CPLX2: variants seen among roughly 807,000 people sequenced by gnomAD.
CPLX2 encodes the protein complexin-2.
Under a neutral mutation model 16.3 loss-of-function variants are expected in CPLX2, and 5 were observed. That is an observed-to-expected ratio of 0.31 (90% CI 0.16 to 0.64). The LOEUF is 0.64. Ranked by LOEUF, CPLX2 falls within the 30% of genes least tolerant of loss-of-function variation. CPLX2 has a pLI of 0.79. For missense variants in CPLX2, 144 were observed against 181.4 expected (o/e 0.79, Z 1.18); for synonymous variants, 89 against 73.2 (o/e 1.22, Z -1.10).
rs56851110 is a variant in CPLX2, at chr5:175,825,404, G to GA, written c.-89+16347dup. Among the ~76,000 whole-genome samples, 867 of 128,780 alleles carry GA rather than the reference G, an allele frequency of 6.7e-3. 3 individuals carry two copies. Among genetic ancestry groups the GA allele is most frequent in the African/African-American group, 0.022 (786 of 35,276 alleles). 84.5% of individuals were successfully genotyped at this position (128,780 alleles called of 152,430 possible). A position where few individuals can be genotyped will look rare whatever the true frequency, so the allele number is the denominator to read the frequency against. ...ACTCTGTCTCAAAAACAAACAAAAA[G>GA]AAAAAAAAAAAGGAAAGAAAATGGG... On this transcript the variant is annotated intron_variant, in intron 2 of 4. Transcript: ENST00000359546.
At chr5:175,871,437 G>GAGAGAGAGAGAGAA (rs1561790348), upstream of CPLX2, 222 of 63,490 alleles carry the variant, frequency 3.5e-3, 13 homozygotes, top group African/African-American at 0.011. Flanking sequence ...GAGAGACAGA[G>GAGAGAGAGAGAGAA]AGAGAGAGAG....
upstream of CPLX2, among the ~76,000 whole-genome samples, chr5:175,869,609 A>G (rs760539390): frequency 1.3e-5 from 2 of 152,214 alleles, no homozygotes; most frequent in Non-Finnish European, 2.9e-5. Context: ...GCACGTTACT[A>G]AGCGGGGGAA....
chr5:175,812,098 T>A (rs1758321732), intron 2 of CPLX2, among the ~76,000 whole-genome samples: 1 of 152,186 alleles, frequency 6.6e-6, no homozygotes, highest in Non-Finnish European at 1.5e-5. Context: ...GGTTTGGGGA[T>A]CTGAGTGAGA....
At position 175,834,852 on chromosome 5, in the gene CPLX2, C is replaced by T. The variant is rs1010435594; in HGVS notation, c.-89+25784C>T. On this transcript the variant is annotated intron_variant, in intron 2 of 4. Transcript: ENST00000359546. ...TCGCACCACTGCACTCCAGCCTGGG[C>T]GACAGAGCGAGATCCTGTCTCAAAA... Among the ~76,000 whole-genome samples the T allele has an allele frequency of 3.3e-5, 5 of 152,176 alleles. 1 individual carries two copies. In the South Asian group the frequency reaches 8.3e-4, roughly 25 times the overall value.
chr5:175,875,863 C>T (rs1326387067), intron 1 of CPLX2, among the ~76,000 whole-genome samples: 1 of 152,056 alleles, frequency 6.6e-6, no homozygotes, highest in Non-Finnish European at 1.5e-5. Flanking sequence ...TGAAGAAGAG[C>T]TACTTAGAGC....
intron 2 of CPLX2, among the ~76,000 whole-genome samples, chr5:175,834,845 G>A (rs191112565): frequency 1.3e-5 from 2 of 152,198 alleles, no homozygotes; most frequent in African/African-American, 4.8e-5. Context: ...CTGCACTCCA[G>A]CCTGGGCGAC....
intron 1 of CPLX2, among the ~76,000 whole-genome samples, chr5:175,799,539 C>CATATATATATTTTTATAT (rs1227041477): frequency 4.2e-5 from 3 of 72,276 alleles, no homozygotes; most frequent in Non-Finnish European, 7.7e-5. Flanking sequence ...TTGCAAATTT[C>CATATATATATTTTTATAT]ATATATATAT....
intron 2 of CPLX2, among the ~76,000 whole-genome samples, chr5:175,834,829 G>A (rs998369685): frequency 2.6e-5 from 4 of 152,176 alleles, no homozygotes; most frequent in South Asian, 2.1e-4. Context: ...AGCTGAGATC[G>A]CACCACTGCA....
rs536051166 is a variant in CPLX2, at chr5:175,819,048, G to A, written c.-89+9980G>A. 1.1e-4 allele frequency among the ~76,000 whole-genome samples: 16 copies of A among 152,258 alleles called. No homozygotes were observed. In the South Asian group the frequency reaches 1.9e-3, roughly 18 times the overall value. On this transcript the variant is annotated intron_variant, in intron 2 of 4. Coordinates refer to the CPLX2 transcript ENST00000359546. Reference sequence around the variant, plus strand: ...CCGTGTTGGACCCCTGCTCAGCGACGTTGGAGAGTCTCTTGAGTTGTTGCA... The same window carrying A: ...CCGTGTTGGACCCCTGCTCAGCGACATTGGAGAGTCTCTTGAGTTGTTGCA...
intron 2 of CPLX2, among the ~76,000 whole-genome samples, chr5:175,839,261 A>ATT (rs572745421): frequency 6.6e-6 from 1 of 151,708 alleles, no homozygotes; most frequent in African/African-American, 2.4e-5. Flanking sequence ...TTTTCCATGA[A>ATT]TTTTTGTTTT....
At chr5:175,843,424 G>A (rs534129069) in intron 2 of CPLX2, among the ~76,000 whole-genome samples, 5 of 152,152 alleles carry the variant, frequency 3.3e-5, no homozygotes, top group South Asian at 2.1e-4. Context: ...GCCTAGGCAC[G>A]CATACACCAG....
At position 175,879,909 on chromosome 5, in the gene CPLX2, G is replaced by A. The variant is rs1483564147; in HGVS notation, c.269G>A (p.Cys90Tyr). 2 of 1,613,932 alleles carry A rather than the reference G, an allele frequency of 1.2e-6. No individual in the cohort carries two copies. Among genetic ancestry groups the A allele is most frequent in the Admixed American group, 3.3e-5 (2 of 60,006 alleles). The change falls in exon 4 of 4, where the codon TGC (cysteine) becomes TAC (tyrosine). Residue 90 changes from cysteine to tyrosine, a missense_variant. Cys to Tyr is a radical substitution (Grantham distance 194). Coordinates refer to ENST00000393745, the MANE Select transcript of CPLX2 (RefSeq NM_001008220.2). ...GAGAAAGCAGCCCTGGAGCAGCCCT[G>A]CGAGGGGAGCCTGACCCGGCCCAAG... ...AEEKAALEQP[C>Y]EGSLTRPKKA...
At chr5:175,813,327 T>G (rs1162449538) in intron 2 of CPLX2, among the ~76,000 whole-genome samples, 3 of 152,100 alleles carry the variant, frequency 2.0e-5, no homozygotes, top group African/African-American at 7.2e-5. Context: ...AGGGCAGAAA[T>G]CATGAAGGTG....
In CPLX2 at chr5:175,881,226, C is replaced by G. The variant is rs150043157; in HGVS notation, c.*1181C>G. The G allele has an allele frequency of 6.5e-6, 1 of 153,450 alleles. No homozygotes were observed. Among genetic ancestry groups the G allele is most frequent in the Admixed American group, 6.5e-5 (1 of 15,308 alleles). 9.5% of individuals were successfully genotyped at this position (153,450 alleles called of 1,614,324 possible). A position where few individuals can be genotyped will look rare whatever the true frequency, so the allele number is the denominator to read the frequency against. On this transcript the variant is annotated 3_prime_UTR_variant, in exon 4 of 4. Coordinates refer to ENST00000393745, the MANE Select transcript of CPLX2 (RefSeq NM_001008220.2). ...GCATGATAATGCGTGGCAGAGACTG[C>G]AACAGGGATTGTGTGTTCAGAGATC... is the stretch of plus-strand genomic sequence containing the variant.
upstream of CPLX2, chr5:175,871,457 GA>G (rs1759608011): frequency 1.4e-5 from 2 of 143,096 alleles, no homozygotes; most frequent in South Asian, 4.8e-4. Context: ...GAGAGAGAGA[GA>G]GAGAGAGAGA....
At chr5:175,835,728 C>CTTTTTTTT (rs71575283) in intron 2 of CPLX2, among the ~76,000 whole-genome samples, 2 of 54,796 alleles carry the variant, frequency 3.6e-5, no homozygotes, top group Non-Finnish European at 6.3e-5. Flanking sequence ...TATTTATTTA[C>CTTTTTTTT]TTTTTTTTTT....
chr5:175,844,406 C>T (rs901990811), intron 2 of CPLX2, among the ~76,000 whole-genome samples: 5 of 152,318 alleles, frequency 3.3e-5, no homozygotes, highest in East Asian at 1.9e-4. Context: ...CCAGGCACTG[C>T]GGTTAGAGGG....
intron 1 of CPLX2, among the ~76,000 whole-genome samples, chr5:175,798,163 A>C (rs943896428): frequency 5.9e-5 from 9 of 152,226 alleles, no homozygotes; most frequent in Non-Finnish European, 1.0e-4. Flanking sequence ...ACTTACTAGC[A>C]TATGACCTTG....
At chr5:175,871,485 G>GAGAGAGAGAGAGAGAGAT (rs1561790514), upstream of CPLX2, 1 of 149,402 alleles carries the variant, frequency 6.7e-6, no homozygotes, top group Non-Finnish European at 1.5e-5. Context: ...GAGAGAGAGA[G>GAGAGAGAGAGAGAGAGAT]ATTTGAATTT....
Sources: allele counts gnomAD v4.1 joint callset (sites outside exome capture counted in the v4.1 genomes callset), GRCh38; gene constraint gnomAD v4.1.1; transcripts MANE v1.5; gene names NCBI Gene and HGNC (gene_info 2026-07-23, HGNC 2026-07-21).